Variants in SYT2 observed in about 807,000 individuals in gnomAD.
The protein encoded by SYT2 is synaptotagmin-2.
In SYT2, 15 loss-of-function variants were observed where a neutral mutation model predicts 39.9. The observed-to-expected ratio is 0.38, with a 90% CI of 0.25 to 0.58. The LOEUF (loss-of-function observed/expected upper bound fraction) is 0.58. Ranked by LOEUF, SYT2 falls within the 20% of genes least tolerant of loss-of-function variation. The probability of loss-of-function intolerance (pLI) is 0.70; values close to 1 mark genes in which losing one functional copy is unlikely to be tolerated. For synonymous variants in SYT2, 181 were observed against 204.5 expected (o/e 0.89, Z 0.98); for missense variants, 389 against 530.3 (o/e 0.73, Z 2.62).
intron 1 of SYT2, among the ~76,000 whole-genome samples, chr1:202,701,018 G>A (rs528460263): frequency 6.6e-6 from 1 of 152,256 alleles, no homozygotes; most frequent in East Asian, 1.9e-4. Flanking sequence ...TTGGCTTGCC[G>A]AATTGTGAAG....
intron 1 of SYT2, among the ~76,000 whole-genome samples, chr1:202,642,094 C>A (rs1691931258): frequency 6.6e-6 from 1 of 152,156 alleles, no homozygotes; most frequent in Admixed American, 6.5e-5. Flanking sequence ...CTGGGAGAAA[C>A]CTCAGATACC....
chr1:202,697,958 C>T (rs2149120227), intron 1 of SYT2, among the ~76,000 whole-genome samples: 1 of 152,260 alleles, frequency 6.6e-6, no homozygotes, highest in South Asian at 2.1e-4. Context: ...AGCTGCCAGG[C>T]CCAGGGTCTG....
chr1:202,705,913 G>C (rs1034500800), intron 1 of SYT2, among the ~76,000 whole-genome samples: 3 of 152,074 alleles, frequency 2.0e-5, no homozygotes, highest in Non-Finnish European at 4.4e-5. Context: ...GCCTGCTCTG[G>C]AATTCCTGGG....
At chr1:202,643,799 C>G (rs1185843671) in intron 1 of SYT2, among the ~76,000 whole-genome samples, 1 of 152,070 alleles carries the variant, frequency 6.6e-6, no homozygotes, top group African/African-American at 2.4e-5. Context: ...TCCGAGCCCC[C>G]GGAGCCCTAC....
At position 202,666,316 on chromosome 1, in the gene SYT2, AT is replaced by A. The variant is rs561155005; in HGVS notation, c.-18+43941del. 1.2e-3 allele frequency among the ~76,000 whole-genome samples: 180 copies of A among 152,260 alleles called. 2 individuals are homozygous for A. The highest frequency in any genetic ancestry group is 3.9e-3 in the African/African-American group (163 of 41,540). ...GACTGGCTGTTTCATCAGAATCTAGATCCAGTTTGCTGGTGAAAATGGTAGC... is the reference window on the plus strand; with the variant it reads ...GACTGGCTGTTTCATCAGAATCTAGACCAGTTTGCTGGTGAAAATGGTAGC... On this transcript the variant is annotated intron_variant, in intron 1 of 8. Transcript: ENST00000367268.
At chr1:202,705,738 G>A (rs1237061060) in intron 1 of SYT2, among the ~76,000 whole-genome samples, 1 of 144,972 alleles carries the variant, frequency 6.9e-6, no homozygotes, top group Admixed American at 6.9e-5. Context: ...TTTTTTTTGA[G>A]ACCGGATCTC....
Position 202,644,842 on chromosome 1 carries a change from T to TC in SYT2, c.-17-39054dup, listed in dbSNP as rs559876473. Among the ~76,000 whole-genome samples the TC allele has an allele frequency of 2.4e-3, 370 of 151,972 alleles. 1 individual carries two copies. The highest frequency in any genetic ancestry group is 8.6e-3 in the African/African-American group (355 of 41,446). On this transcript the variant is annotated intron_variant, in intron 1 of 8. Transcript: ENST00000367268. ...CCCCCTTCTTCCCCTCCTCCAGGCA[T>TC]CCCCTGCCCCAGGACATAGACCTCA...
At chr1:202,642,376 T>TC (rs1309639629) in intron 1 of SYT2, among the ~76,000 whole-genome samples, 1 of 151,180 alleles carries the variant, frequency 6.6e-6, no homozygotes, top group Non-Finnish European at 1.5e-5. Context: ...CCCCACCTCG[T>TC]CCCCATTCCT....
At chr1:202,687,666 C>CAAAAAAAAAAA (rs59844832) in intron 1 of SYT2, among the ~76,000 whole-genome samples, 4 of 83,868 alleles carry the variant, frequency 4.8e-5, no homozygotes, top group East Asian at 2.8e-4. Context: ...AACTCCATCT[C>CAAAAAAAAAAA]AAAAAAAAAA....
intron 1 of SYT2, among the ~76,000 whole-genome samples, chr1:202,616,308 G>C (rs758456699): frequency 6.6e-6 from 1 of 152,056 alleles, no homozygotes; most frequent in Non-Finnish European, 1.5e-5. Context: ...CCGTTCCTGC[G>C]CAGGATCCCT....
chr1:202,625,101 T>G (rs1691345221), intron 1 of SYT2, among the ~76,000 whole-genome samples: 1 of 4,772 alleles, frequency 2.1e-4, no homozygotes. Flanking sequence ...GTGTGGTATG[T>G]GTGTGGTGTG....
chr1:202,682,677 G>C (rs975922086), intron 1 of SYT2, among the ~76,000 whole-genome samples: 8 of 152,164 alleles, frequency 5.3e-5, no homozygotes, highest in Non-Finnish European at 7.3e-5. Context: ...CGGGCTCTCT[G>C]AGGGTGGGGA....
At chr1:202,667,980 G>A (rs1692513328) in intron 1 of SYT2, among the ~76,000 whole-genome samples, 1 of 152,178 alleles carries the variant, frequency 6.6e-6, no homozygotes, top group South Asian at 2.1e-4. Flanking sequence ...CAAAGTGCTG[G>A]GATTACAGGC....
intron 1 of SYT2, among the ~76,000 whole-genome samples, chr1:202,661,241 C>T (rs193246105): frequency 1.3e-5 from 2 of 152,004 alleles, no homozygotes; most frequent in African/African-American, 4.8e-5. Context: ...TTAGGACCAC[C>T]TGCCCCTGGG....
chr1:202,638,757 C>T (rs1203225315), intron 1 of SYT2, among the ~76,000 whole-genome samples: 4 of 152,230 alleles, frequency 2.6e-5, no homozygotes, highest in African/African-American at 4.8e-5. Flanking sequence ...CTACCCTGTT[C>T]GCCCCTACCC....
rs768497389 is a variant in SYT2 at position 202,601,958 on chromosome 1, T to C, written c.733A>G (p.Met245Val). The change falls in exon 6 of 9, where the codon ATG becomes GTG. Residue 245 changes from methionine to valine, a missense_variant. Met to Val is a conservative substitution (Grantham distance 21). Coordinates refer to ENST00000367268, the MANE Select transcript of SYT2 (RefSeq NM_177402.5). The surrounding 1 kb of genome is among the most constrained non-coding windows in gnomAD (Gnocchi z 4.0). ...HDIIGEVKVP[M>V]NTVDLGQPIE... ...GGCTGGCCGAGGTCCACTGTGTTCA[T>C]AGGCACCTTTACCTCTCCAATGATG... The C allele has an allele frequency of 4.3e-6, 7 of 1,614,086 alleles. No individual in the cohort carries two copies. The Admixed American group carries it at 6.7e-5, about 15-fold the overall frequency.
intron 1 of SYT2, among the ~76,000 whole-genome samples, chr1:202,708,458 A>G (rs1257432494): frequency 6.6e-6 from 1 of 152,018 alleles, no homozygotes; most frequent in Non-Finnish European, 1.5e-5. Flanking sequence ...AGAAAAAGCC[A>G]AGCCTCTGGG....
intron 1 of SYT2, among the ~76,000 whole-genome samples, chr1:202,649,668 G>A (rs1438681015): frequency 6.6e-6 from 1 of 152,146 alleles, no homozygotes; most frequent in Non-Finnish European, 1.5e-5. Flanking sequence ...ATTGATACAG[G>A]TGCCTCCTTC....
chr1:202,591,401 G>T lies in SYT2; in HGVS notation c.*5356C>A, dbSNP rs71635587. On this transcript the variant is annotated 3_prime_UTR_variant, in exon 9 of 9. Transcript: ENST00000367268. ...TGGGGCCAGGGGCCGCAGGCAGGGG[G>T]GCTACCTGTCCCTCTCAGTTCAACA... The T allele has an allele frequency of 0.057, 8,738 of 152,626 alleles. 355 individuals are homozygous for T. The highest frequency in any genetic ancestry group is 0.089 in the Non-Finnish European group (6,088 of 68,284). 9.5% of individuals were successfully genotyped at this position (152,626 alleles called of 1,614,324 possible).
Sources: allele counts gnomAD v4.1 joint callset (sites outside exome capture counted in the v4.1 genomes callset), GRCh38; gene constraint gnomAD v4.1.1; non-coding constraint Gnocchi (gnomAD v3.1); transcripts MANE v1.5; gene names NCBI Gene and HGNC (gene_info 2026-07-23, HGNC 2026-07-21).